Variants in DRAXIN observed in about 807,000 individuals in gnomAD.
DRAXIN encodes dorsal inhibitory axon guidance protein.
Under a neutral mutation model 33.9 loss-of-function variants are expected in DRAXIN, and 27 were observed. The ratio of observed to expected loss-of-function variants is 0.80; its 90% CI spans 0.59 to 1.10. The LOEUF (loss-of-function observed/expected upper bound fraction) is 1.10. Among genes scored for constraint, DRAXIN ranks in the 50% least tolerant of loss-of-function variants. DRAXIN has a pLI of 0.00. For missense variants in DRAXIN, 371 were observed against 460.8 expected (o/e 0.81, Z 1.78); for synonymous variants, 178 against 194.0 (o/e 0.92, Z 0.69).
rs1041398756 is a variant in DRAXIN at position 11,704,695 on chromosome 1, G to C, written c.-10-1554G>C. Among the ~76,000 whole-genome samples the C allele has an allele frequency of 2.6e-5, 4 of 152,186 alleles. No homozygotes were observed. The highest frequency in any genetic ancestry group is 2.6e-4 in the Admixed American group (4 of 15,280). On this transcript the variant is annotated intron_variant, in intron 1 of 6. Coordinates refer to ENST00000294485, the MANE Select transcript of DRAXIN (RefSeq NM_198545.4). This position sits in a 1 kb window ranked among gnomAD's most constrained non-coding sequence, Gnocchi z 4.6. ...GGTTGTCACAACAAGCCTGTCCCAG[G>C]GTCCCACGCACGTCACCAAGGCTCA... is the stretch of plus-strand genomic sequence containing the variant.
At chr1:11,711,821 T>C in intron 3 of DRAXIN, 30 bp from the exon 4 acceptor site, 2 of 1,586,636 alleles carry the variant, frequency 1.3e-6, no homozygotes, top group South Asian at 1.1e-5. Flanking sequence ...ATTTGAAGGT[T>C]CCAACATCCC....
intron 6 of DRAXIN, among the ~76,000 whole-genome samples, chr1:11,718,614 TA>T (rs1231720952): frequency 1.3e-5 from 2 of 152,120 alleles, no homozygotes; most frequent in African/African-American, 4.8e-5. Context: ...ACTACAGGTG[TA>T]TGCCACAATG....
At position 11,704,068 on chromosome 1, in the gene DRAXIN, A is replaced by T. The variant is rs1159698922; in HGVS notation, c.-10-2181A>T. The stretch of plus-strand genomic sequence containing the variant: ...GTCCCCAGGGACAGCAGACTAGCTG[A>T]GAAGCTGCCCACCTCTCTACTGAGC... On this transcript the variant is annotated intron_variant, in intron 1 of 6. Coordinates refer to ENST00000294485, the MANE Select transcript of DRAXIN (RefSeq NM_198545.4). The surrounding 1 kb of genome is among the most constrained non-coding windows in gnomAD (Gnocchi z 4.6). 6.6e-6 allele frequency among the ~76,000 whole-genome samples: 1 copy of T among 152,162 alleles called. No individual in the cohort carries two copies. Among genetic ancestry groups the T allele is most frequent in the Non-Finnish European group, 1.5e-5 (1 of 68,014 alleles).
At chr1:11,697,301 C>T (rs1283028426) in intron 1 of DRAXIN, among the ~76,000 whole-genome samples, 1 of 152,224 alleles carries the variant, frequency 6.6e-6, no homozygotes, top group East Asian at 1.9e-4. Flanking sequence ...GACTGTCTCC[C>T]TTATCAGTGG....
intron 1 of DRAXIN, among the ~76,000 whole-genome samples, chr1:11,701,887 C>T (rs1555078): frequency 0.07 from 10,672 of 152,276 alleles, 435 homozygotes; most frequent in South Asian, 0.095. Context: ...CCCACGTTTC[C>T]TCGGGGGCTC....
chr1:11,695,651 T>C (rs1056661897), intron 1 of DRAXIN, among the ~76,000 whole-genome samples: 8 of 151,324 alleles, frequency 5.3e-5, no homozygotes, highest in African/African-American at 1.9e-4. Context: ...TCAAGTTAAA[T>C]AATGCCTATA....
rs1641688882 is a variant in DRAXIN, at chr1:11,723,727, G to A, written c.*4031G>A. 1 of 151,862 alleles carries A rather than the reference G, an allele frequency of 6.6e-6. No homozygotes were observed. The highest frequency in any genetic ancestry group is 2.1e-4 in the South Asian group (1 of 4,816). 9.4% of individuals were successfully genotyped at this position (151,862 alleles called of 1,614,324 possible). ...CCCGCCTCAGCCTCTCGCGTACCTG[G>A]GATTATAGGCAAGCATCACCACGCC... On this transcript the variant is annotated 3_prime_UTR_variant, in exon 7 of 7. Coordinates refer to ENST00000294485, the MANE Select transcript of DRAXIN (RefSeq NM_198545.4).
At position 11,715,338 on chromosome 1, in the gene DRAXIN, C is replaced by T. The variant is rs929900995; in HGVS notation, c.937+130C>T. On this transcript the variant is annotated intron_variant, in intron 6 of 6. Coordinates refer to ENST00000294485, the MANE Select transcript of DRAXIN (RefSeq NM_198545.4). ...CAGAGGGTGGATCATGGGCCTGCGG[C>T]GGGGGTGTAGGTGGGAGAATCCCTC... 10 of 1,125,448 alleles carry T rather than the reference C, an allele frequency of 8.9e-6. No individual in the cohort carries two copies. The East Asian group carries it at 1.8e-4, about 20-fold the overall frequency. The allele number at this position is 1,125,448 out of a possible 1,614,324, so 69.7% of individuals were successfully genotyped here.
chr1:11,720,556 G>GCACTC lies in DRAXIN; in HGVS notation c.*863_*867dup, dbSNP rs1490558530. On this transcript the variant is annotated 3_prime_UTR_variant, in exon 7 of 7. Transcript: ENST00000294485. ...TGCAGTGAGCAGAGATCGTGCCACT[G>GCACTC]CACTCCAGCCTGGGGGACAAGAGTG... 1.5e-5 allele frequency: 2 copies of GCACTC among 133,602 alleles called. No individual in the cohort carries two copies. The highest frequency in any genetic ancestry group is 4.5e-4 in the East Asian group (2 of 4,404). The allele number at this position is 133,602 out of a possible 1,614,324, so 8.3% of individuals were successfully genotyped here.
chr1:11,719,742 C>T lies in DRAXIN; in HGVS notation c.*46C>T, dbSNP rs973361887. 2 of 1,546,692 alleles carry T rather than the reference C, an allele frequency of 1.3e-6. No homozygotes were observed. The highest frequency in any genetic ancestry group is 1.1e-5 in the South Asian group (1 of 88,038). On this transcript the variant is annotated 3_prime_UTR_variant, in exon 7 of 7. Transcript: ENST00000294485. ...CTGAGCCCAGGAGGTTTGCACAAGCCGGGCGATTTGTTTGTAACTAGCAGT... is the reference window on the plus strand; with the variant it reads ...CTGAGCCCAGGAGGTTTGCACAAGCTGGGCGATTTGTTTGTAACTAGCAGT...
intron 1 of DRAXIN, among the ~76,000 whole-genome samples, chr1:11,702,681 A>T (rs1229913531): frequency 3.3e-5 from 5 of 151,604 alleles, no homozygotes; most frequent in Non-Finnish European, 7.4e-5. Flanking sequence ...TACATGCCAG[A>T]TGCTCACACA....
rs898219386 is a variant in DRAXIN, at chr1:11,706,582, C to T, written c.324C>T (p.Asp108=). Residue 108 remains aspartate (D), a synonymous_variant, in exon 2 of 7, where the codon GAC becomes GAT. Coordinates refer to ENST00000294485, the MANE Select transcript of DRAXIN (RefSeq NM_198545.4). The surrounding 1 kb of genome is among the most constrained non-coding windows in gnomAD (Gnocchi z 5.5). Reference sequence around the variant, plus strand: ...AGAGTCCTGCAGGCCTGCTGCAGGACAAGGACCTGCTCCTGGGACTGGCAT... The same window carrying T: ...AGAGTCCTGCAGGCCTGCTGCAGGATAAGGACCTGCTCCTGGGACTGGCAT... ...PEQSPAGLLQ[D]KDLLLGLALP... is the part of the protein sequence containing the mutation. 6.2e-7 allele frequency: 1 copy of T among 1,608,162 alleles called. No homozygotes were observed. Among genetic ancestry groups the T allele is most frequent in the African/African-American group, 1.3e-5 (1 of 74,872 alleles).
At chr1:11,689,292 CAAAAAAAAA>C (rs70983584), upstream of DRAXIN, among the ~76,000 whole-genome samples, 1 of 67,986 alleles carries the variant, frequency 1.5e-5, no homozygotes, top group Non-Finnish European at 2.6e-5. Flanking sequence ...GACTCTGTCT[CAAAAAAAAA>C]AAAAAAAAAA....
chr1:11,704,505 C>T lies in DRAXIN; in HGVS notation c.-10-1744C>T, dbSNP rs1482376893. ...TGCCTCAGGAACCAGGGACACAGGT[C>T]CCGCTTGCTGAGCTCTGGCCTCAAG... On this transcript the variant is annotated intron_variant, in intron 1 of 6. Transcript: ENST00000294485. This position sits in a 1 kb window ranked among gnomAD's most constrained non-coding sequence, Gnocchi z 4.6. Among the ~76,000 whole-genome samples, 1 of 152,236 alleles carries T rather than the reference C, an allele frequency of 6.6e-6. No homozygotes were observed.
At chr1:11,715,013 G>A (rs1312313252) in intron 5 of DRAXIN, 106 bp from the exon 6 acceptor site, 95 of 1,364,456 alleles carry the variant, frequency 7.0e-5, no homozygotes, top group Non-Finnish European at 9.3e-5. Context: ...GCCAGGGCGC[G>A]GCCTGCCACA....
At chr1:11,719,062 G>A (rs893374992) in intron 6 of DRAXIN, among the ~76,000 whole-genome samples, 2 of 150,802 alleles carry the variant, frequency 1.3e-5, no homozygotes, top group African/African-American at 4.8e-5. Context: ...CACCATGCCC[G>A]GGTAGTTTTT....
Position 11,703,453 on chromosome 1 carries a change from G to T in DRAXIN, c.-10-2796G>T, listed in dbSNP as rs144405871. Among the ~76,000 whole-genome samples, 680 of 152,316 alleles carry T rather than the reference G, an allele frequency of 4.5e-3. 2 individuals carry two copies. The highest frequency in any genetic ancestry group is 0.016 in the African/African-American group (660 of 41,588). ...AGCAGGGGTGTGTTTGGGGCCCAGG[G>T]AGCAGTCTCTGTTGCCTGTGAAGGG... is the stretch of plus-strand genomic sequence containing the variant. On this transcript the variant is annotated intron_variant, in intron 1 of 6. Coordinates refer to ENST00000294485, the MANE Select transcript of DRAXIN (RefSeq NM_198545.4).
chr1:11,719,968 C>G lies in DRAXIN; in HGVS notation c.*272C>G, dbSNP rs1641637650. ...CCGCGATGGCAATGCCGAGAGTGCC[C>G]TCTACTGTCCGACTCCAGCACTGCA... On this transcript the variant is annotated 3_prime_UTR_variant, in exon 7 of 7. Coordinates refer to ENST00000294485, the MANE Select transcript of DRAXIN (RefSeq NM_198545.4). The G allele has an allele frequency of 2.3e-6, 1 of 441,008 alleles. No homozygotes were observed. The highest frequency in any genetic ancestry group is 2.7e-5 in the South Asian group (1 of 37,554). The allele number at this position is 441,008 out of a possible 1,614,324, so 27.3% of individuals were successfully genotyped here.
intron 1 of DRAXIN, among the ~76,000 whole-genome samples, chr1:11,695,178 G>A (rs978975287): frequency 4.6e-5 from 7 of 152,154 alleles, no homozygotes; most frequent in African/African-American, 1.2e-4. Context: ...CTGTGGGTTC[G>A]AATCCCAGCT....
Sources: allele counts gnomAD v4.1 joint callset (sites outside exome capture counted in the v4.1 genomes callset), GRCh38; gene constraint gnomAD v4.1.1; non-coding constraint Gnocchi (gnomAD v3.1); transcripts MANE v1.5; gene names NCBI Gene and HGNC (gene_info 2026-07-23, HGNC 2026-07-21).